IRS4: variants seen among roughly 807,000 people sequenced by gnomAD.
IRS4 encodes the protein 160 kDa phosphotyrosine protein.
Under a neutral mutation model 48.6 loss-of-function variants are expected in IRS4, and 15 were observed. The ratio of observed to expected loss-of-function variants is 0.31; its 90% confidence interval spans 0.21 to 0.48. The LOEUF (loss-of-function observed/expected upper bound fraction) is 0.48, where lower values mean the gene tolerates loss of function less well. Among genes scored for constraint, IRS4 ranks in the 20% least tolerant of loss-of-function variants. The pLI is 0.99. For synonymous variants in IRS4, 459 were observed against 413.2 expected (o/e 1.11, Z -1.34); for missense variants, 987 against 1,023.4 (o/e 0.96, Z 0.49).
Position 108,733,159 on chromosome X carries a change from G to A in IRS4, c.3186C>T (p.Pro1062=), listed in dbSNP as rs2068917328. The part of the protein sequence containing the change: ...SECCMDISLS[P]SRCSEPPPVA... ...CAGGTGGTGGTTCAGAACATCGGCT[G>A]GGGGAGAGAGAAATATCCATACAGC... Residue 1062 remains proline (P), a synonymous_variant, in exon 1 of 2, where the codon CCC becomes CCT. Transcript: ENST00000372129. 1 of 1,209,011 alleles carries A rather than the reference G, an allele frequency of 8.3e-7. No homozygotes were observed. Among genetic ancestry groups the A allele is most frequent in the African/African-American group, 1.7e-5 (1 of 57,186 alleles).
rs1257949927 is a variant in IRS4, at chrX:108,734,086, T to C, written c.2259A>G (p.Pro753=). The change falls in exon 1 of 2, where the codon CCA becomes CCG. Residue 753 remains proline, a synonymous_variant. Transcript: ENST00000372129. The stretch of plus-strand genomic sequence containing the variant: ...GTGCTTTTGGAGGACTCGGAGCAGG[T>C]GGTGGGCTCACTCTGGGAAACATCA... ...YMMMFPRVSP[P]PAPSPPKAPD... 8.3e-7 allele frequency: 1 copy of C among 1,209,567 alleles called. No individual in the cohort carries two copies. The highest frequency in any genetic ancestry group is 1.1e-6 in the Non-Finnish European group (1 of 895,168).
Position 108,734,747 on chromosome X carries a change from T to C in IRS4, c.1598A>G (p.Gln533Arg). 15 of 1,211,030 alleles carry C rather than the reference T, an allele frequency of 1.2e-5. No homozygotes were observed. The highest frequency in any genetic ancestry group is 1.5e-5 in the Non-Finnish European group (13 of 895,374). ...SGEGQGSRGG[Q>R]GSNGQGSGGN... is the part of the protein sequence containing the mutation. ...TCCTGAGCCCTGGCCATTTGAGCCC[T>C]GACCACCTCGGGATCCCTGTCCCTC... The change falls in exon 1 of 2, where the codon CAG (glutamine) becomes CGG (arginine). Residue 533 changes from glutamine (Q) to arginine (R), a missense_variant. Around this residue, in one of 4 missense-constraint regions of IRS4, gnomAD observed 720 missense variants for 660.3 expected, o/e 1.09. Coordinates refer to ENST00000372129, the MANE Select transcript of IRS4 (RefSeq NM_001379150.1).
intron 1 of IRS4, chrX:108,724,156 C>T (rs767342304): frequency 8.9e-6 from 1 of 111,836 alleles, no homozygotes; most frequent in Non-Finnish European, 1.9e-5. Context: ...GCAAATTAAG[C>T]TCCATATAAC....
At chrX:108,731,692 T>C (rs931672616) in intron 1 of IRS4, among the ~76,000 whole-genome samples, 17 of 112,140 alleles carry the variant, frequency 1.5e-4, no homozygotes, top group African/African-American at 5.5e-4. Flanking sequence ...CTTGCTTTCC[T>C]TGATTTCCCA....
Position 108,733,761 on chromosome X carries a change from C to T in IRS4, c.2584G>A (p.Gly862Arg), listed in dbSNP as rs2068925301. 1 of 1,209,955 alleles carries T rather than the reference C, an allele frequency of 8.3e-7. No homozygotes were observed. The highest frequency in any genetic ancestry group is 1.8e-5 in the African/African-American group (1 of 57,090). ...CCATCTCCAGGCTTTGAGAATGATC[C>T]CTCACCTGAAGGCTTTGAAGCTGCA... ...KDAASKPSGE[G>R]SFSKPGDGGS... Residue 862 changes from glycine (G) to arginine (R), a missense_variant, in exon 1 of 2, where the codon GGA (glycine) becomes AGA (arginine). This residue lies in a region of IRS4 where 720 missense variants were observed against 660.3 expected (regional missense o/e 1.09). Transcript: ENST00000372129.
chrX:108,733,890 G>A lies in IRS4; in HGVS notation c.2455C>T (p.Pro819Ser), dbSNP rs780624311. ...TCACTGTTGTCATTCTGTCCCAAAG[G>A]TGAGCTCCGAAAAGGGTTTGGTAGA... ...FSLPNPFRSS[P>S]LGQNDNSEYV... Residue 819 changes from proline to serine, a missense_variant, in exon 1 of 2, where the codon CCT becomes TCT. By Grantham distance (74) the Pro-to-Ser change is moderately conservative. Transcript: ENST00000372129. The A allele has an allele frequency of 2.5e-6, 3 of 1,211,581 alleles. No individual in the cohort carries two copies. The highest frequency in any genetic ancestry group is 2.2e-5 in the Admixed American group (1 of 46,049).
At position 108,734,981 on chromosome X, in the gene IRS4, C is replaced by G. The variant is rs777872881; in HGVS notation, c.1364G>C (p.Arg455Pro). The change falls in exon 1 of 2, where the codon CGC (arginine) becomes CCC (proline). Residue 455 changes from arginine (R) to proline (P), a missense_variant. Arg to Pro is a moderately radical substitution (Grantham distance 103). Around this residue, in one of 4 missense-constraint regions of IRS4, gnomAD observed 720 missense variants for 660.3 expected, o/e 1.09. Coordinates refer to ENST00000372129, the MANE Select transcript of IRS4 (RefSeq NM_001379150.1). ...HPAEAPNNGARLSSEVSGSGS... is the reference protein window; with the variant it reads ...HPAEAPNNGAPLSSEVSGSGS... The stretch of plus-strand genomic sequence containing the variant: ...AGAACCAGACACTTCAGAAGACAGG[C>G]GAGCTCCATTGTTCGGGGCTTCTGC... The G allele has an allele frequency of 5.0e-6, 6 of 1,212,019 alleles. No individual in the cohort carries two copies. Among genetic ancestry groups the G allele is most frequent in the Non-Finnish European group, 6.7e-6 (6 of 895,621 alleles).
chrX:108,729,760 T>C (rs1368408343), intron 1 of IRS4, among the ~76,000 whole-genome samples: 1 of 112,100 alleles, frequency 8.9e-6, no homozygotes, highest in African/African-American at 3.2e-5. Context: ...TGAGAACAGC[T>C]GTCTCACAGA....
At position 108,732,920 on chromosome X, in the gene IRS4, G is replaced by T; in HGVS notation, c.3425C>A (p.Ala1142Glu). 8.5e-7 allele frequency: 1 copy of T among 1,180,790 alleles called. No homozygotes were observed. The highest frequency in any genetic ancestry group is 1.1e-6 in the Non-Finnish European group (1 of 878,738). The change falls in exon 1 of 2, where the codon GCA (alanine) becomes GAA (glutamate). Residue 1142 changes from alanine (A) to glutamate (E), a missense_variant. By Grantham distance (107) the Ala-to-Glu change is moderately radical. Coordinates refer to ENST00000372129, the MANE Select transcript of IRS4 (RefSeq NM_001379150.1). ...QVVAAASALAAAPGIGAAAAA... is the reference protein window; with the variant it reads ...QVVAAASALAEAPGIGAAAAA... ...GGCTGCTGCGCCGATGCCCGGGGCT[G>T]CGGCGAGCGCGGAGGCCGCAGCTAC...
Position 108,736,276 on chromosome X carries a change from C to T in IRS4, c.69G>A (p.Ala23=), listed in dbSNP as rs374123001. 47 of 1,196,963 alleles carry T rather than the reference C, an allele frequency of 3.9e-5. No homozygotes were observed. Among genetic ancestry groups the T allele is most frequent in the Non-Finnish European group, 4.8e-5 (43 of 889,012 alleles). Residue 23 remains alanine, a synonymous_variant, in exon 1 of 2, where the codon GCG becomes GCA. Coordinates refer to ENST00000372129, the MANE Select transcript of IRS4 (RefSeq NM_001379150.1). ...TGGTCACCACTGCTGCTAGAGCTGC[C>T]GCTGCCGCCGCTGCTGCACCTCTTA... is the stretch of plus-strand genomic sequence containing the variant. ...RRLRGAAAAA[A]AALAAVVTTP... is the part of the protein sequence containing the mutation.
In IRS4 at chrX:108,736,428, C is replaced by T. The variant is rs2068955544; in HGVS notation, c.-84G>A. On this transcript the variant is annotated 5_prime_UTR_variant, in exon 1 of 2. Coordinates refer to ENST00000372129, the MANE Select transcript of IRS4 (RefSeq NM_001379150.1). ...GTTGGGGGAAGAGGCTGTCTACCCT[C>T]GTCTGCCCGCCCCAGCCCCCTCCTG... The T allele has an allele frequency of 5.1e-6, 6 of 1,170,511 alleles. No individual in the cohort carries two copies. In the South Asian group the frequency reaches 9.5e-5, roughly 19 times the overall value.
rs1569511169 is a variant in IRS4 at position 108,734,643 on chromosome X, G to A, written c.1702C>T (p.His568Tyr). 1.7e-6 allele frequency: 2 copies of A among 1,210,849 alleles called. No homozygotes were observed. Among genetic ancestry groups the A allele is most frequent in the Non-Finnish European group, 2.2e-6 (2 of 895,200 alleles). ...GGTCCCTGGCCACCACCTGAGCCAT[G>A]CCCACCTCCAGGTCTCTGGCCACCA... Reference protein sequence around the residue: ...SGGGQRPGGGHGSGGGQGPGD... With the variant: ...SGGGQRPGGGYGSGGGQGPGD... The change falls in exon 1 of 2, where the codon CAT becomes TAT. Residue 568 changes from histidine (H) to tyrosine (Y), a missense_variant. This residue lies in a region of IRS4 where 720 missense variants were observed against 660.3 expected (regional missense o/e 1.09). Coordinates refer to ENST00000372129, the MANE Select transcript of IRS4 (RefSeq NM_001379150.1).
chrX:108,736,317 GGTCGC>G lies in IRS4; in HGVS notation c.23_27del (p.Arg8ProfsTer95). On this transcript the variant is annotated frameshift_variant, in exon 1 of 2. Transcript: ENST00000372129. LOFTEE classifies it high-confidence loss of function. ...GCACCTCTTAGTCTTCTTGTCGCTTGGTCGCGAGTGAAGGAGCAACTCGCCATGGT... is the reference window on the plus strand; with the variant it reads ...GCACCTCTTAGTCTTCTTGTCGCTTGGAGTGAAGGAGCAACTCGCCATGGT... 1.7e-6 allele frequency: 2 copies of G among 1,211,391 alleles called. No individual in the cohort carries two copies. Among genetic ancestry groups the G allele is most frequent in the Non-Finnish European group, 2.2e-6 (2 of 895,421 alleles).
rs954585674 is a variant in IRS4 at position 108,720,863 on chromosome X, C to T, written c.*1656G>A. ...AATTTACAAGAGGGAAAAAAGAGCC[C>T]ACCATCCCTTTGGTTGGTAGGCAAG... On this transcript the variant is annotated 3_prime_UTR_variant, in exon 2 of 2. Transcript: ENST00000372129. 8.9e-6 allele frequency: 1 copy of T among 111,834 alleles called. No individual in the cohort carries two copies. Among genetic ancestry groups the T allele is most frequent in the Non-Finnish European group, 1.9e-5 (1 of 53,187 alleles). The allele number at this position is 111,834 out of a possible 1,213,427, so 9.2% of individuals were successfully genotyped here. A position where few individuals can be genotyped will look rare whatever the true frequency, so the allele number is the denominator to read the frequency against.
At chrX:108,730,902 T>C (rs1045939880) in intron 1 of IRS4, among the ~76,000 whole-genome samples, 3 of 112,095 alleles carry the variant, frequency 2.7e-5, no homozygotes, top group Non-Finnish European at 5.6e-5. Flanking sequence ...AACAATAGAT[T>C]GAGATCAATT....
intron 1 of IRS4, among the ~76,000 whole-genome samples, chrX:108,728,968 G>A (rs2068886829): frequency 1.8e-5 from 2 of 111,928 alleles, no homozygotes; most frequent in South Asian, 7.4e-4. Flanking sequence ...GAATGCAAAT[G>A]AATAATGATT....
Position 108,733,363 on chromosome X carries a change from C to G in IRS4, c.2982G>C (p.Arg994Ser). ...TGAGGGGAAGGGGAGGAAGTGGCCA[C>G]CTAGCACTGTCCAGAGATAAGGGGT... is the stretch of plus-strand genomic sequence containing the variant. The part of the protein sequence containing the change: ...RANPLSLDSA[R>S]WPLPPLPLSA... The change falls in exon 1 of 2, where the codon AGG becomes AGC. Residue 994 changes from arginine to serine, a missense_variant. Coordinates refer to ENST00000372129, the MANE Select transcript of IRS4 (RefSeq NM_001379150.1). 1 of 1,211,824 alleles carries G rather than the reference C, an allele frequency of 8.3e-7. No individual in the cohort carries two copies. The highest frequency in any genetic ancestry group is 3.0e-5 in the East Asian group (1 of 33,829).
chrX:108,728,123 C>G (rs1018644624), intron 1 of IRS4, among the ~76,000 whole-genome samples: 10 of 112,241 alleles, frequency 8.9e-5, no homozygotes, highest in African/African-American at 2.6e-4. Flanking sequence ...TCTTTCCTTT[C>G]AATGTTTCTG....
At chrX:108,728,578 A>G (rs751692737) in intron 1 of IRS4, among the ~76,000 whole-genome samples, 59 of 112,195 alleles carry the variant, frequency 5.3e-4, no homozygotes, top group African/African-American at 1.8e-3. Context: ...AGTACTTACC[A>G]TCCATCAGTA....
Sources: allele counts gnomAD v4.1 joint callset (sites outside exome capture counted in the v4.1 genomes callset), GRCh38; gene constraint gnomAD v4.1.1; regional missense constraint gnomAD v4.1.1; transcripts MANE v1.5; gene names NCBI Gene and HGNC (gene_info 2026-07-23, HGNC 2026-07-21).